Variants in ANK1 observed in about 807,000 individuals in gnomAD.
The protein encoded by ANK1 is ankyrin 1, also known as ankyrin-1.
Under a neutral mutation model 210.4 loss-of-function variants are expected in ANK1, and 51 were observed. The observed-to-expected ratio is 0.24, with a 90% confidence interval of 0.19 to 0.31. ANK1 has a LOEUF of 0.31. Ranked by LOEUF, ANK1 falls within the 10% of genes least tolerant of loss-of-function variation. The pLI is 1.00. For missense variants in ANK1, 2,051 were observed against 2,504.4 expected, an observed-to-expected ratio of 0.82 and a Z score of 3.86; for synonymous variants, 967 against 1,025.9, an observed-to-expected ratio of 0.94 and a Z score of 1.10.
At chr8:41,745,796 G>A (rs183772851) in intron 2 of ANK1, among the ~76,000 whole-genome samples, 17 of 152,242 alleles carry the variant, frequency 1.1e-4, no homozygotes, top group African/African-American at 2.4e-4. Flanking sequence ...CACAAACCTC[G>A]AACTCCTGGG....
intron 3 of ANK1, among the ~76,000 whole-genome samples, chr8:41,730,679 A>G (rs1284734355): frequency 6.6e-6 from 1 of 152,212 alleles, no homozygotes; most frequent in Admixed American, 6.5e-5. Flanking sequence ...GCCTCCATTG[A>G]GAGGCTTGGC....
At chr8:41,842,469 G>A (rs930184219) in intron 1 of ANK1, among the ~76,000 whole-genome samples, 23 of 151,904 alleles carry the variant, frequency 1.5e-4, no homozygotes, top group Non-Finnish European at 2.5e-4. Context: ...CTCCAGCCCA[G>A]GCAACAGAGC....
intron 1 of ANK1, among the ~76,000 whole-genome samples, chr8:41,861,932 C>T (rs1329815981): frequency 2.0e-5 from 3 of 152,220 alleles, no homozygotes; most frequent in South Asian, 2.1e-4. Context: ...TCCTCTTGCA[C>T]GCTCCTGCCT....
At chr8:41,869,893 G>T (rs1186615672) in intron 1 of ANK1, among the ~76,000 whole-genome samples, 2 of 152,068 alleles carry the variant, frequency 1.3e-5, no homozygotes, top group Non-Finnish European at 2.9e-5. Context: ...AATAATGTTG[G>T]ACTCTGAGTG....
chr8:41,661,398 C>T (rs777264820), intron 42 of ANK1, 32 bp downstream of exon 42: 1 of 1,612,330 alleles, frequency 6.2e-7, no homozygotes, highest in Non-Finnish European at 8.5e-7. Flanking sequence ...GAAGACCAGG[C>T]CATGCAGAGG....
intron 2 of ANK1, among the ~76,000 whole-genome samples, chr8:41,744,786 C>G (rs562224743): frequency 6.6e-6 from 1 of 152,156 alleles, no homozygotes. Flanking sequence ...CTGCCCACCT[C>G]GGCCTCCCAA....
At chr8:41,755,605 G>T (rs1349605707) in intron 2 of ANK1, among the ~76,000 whole-genome samples, 9 of 152,170 alleles carry the variant, frequency 5.9e-5, no homozygotes, top group Non-Finnish European at 1.0e-4. Flanking sequence ...CCCTGCCTAT[G>T]GGGGGCTGGG....
Position 41,759,403 on chromosome 8 carries a change from G to A in ANK1, c.28-1266C>T, listed in dbSNP as rs536433055. The stretch of plus-strand genomic sequence containing the variant: ...CACCTGTAGTCCCAGCTACTCAGGA[G>A]GCTGAGGCAGGAGAATCGCTTGAAC... On this transcript the variant is annotated intron_variant, in intron 1 of 42. Coordinates refer to ENST00000289734, the MANE Select transcript of ANK1 (RefSeq NM_000037.4). Among the ~76,000 whole-genome samples the A allele has an allele frequency of 5.5e-4, 83 of 152,234 alleles. 1 individual carries two copies. Among genetic ancestry groups the A allele is most frequent in the Middle Eastern group, 6.8e-3 (2 of 294 alleles).
At chr8:41,719,045 A>G (rs907273951) in intron 10 of ANK1, among the ~76,000 whole-genome samples, 7 of 152,186 alleles carry the variant, frequency 4.6e-5, no homozygotes, top group African/African-American at 1.4e-4. Context: ...CCTGCCCCTC[A>G]GTTCTGCTGC....
chr8:41,732,900 G>T (rs986647016), intron 3 of ANK1, among the ~76,000 whole-genome samples: 13 of 152,002 alleles, frequency 8.6e-5, no homozygotes, highest in African/African-American at 3.1e-4. Context: ...ACCACGCCCG[G>T]CTAATTTTTG....
At chr8:41,762,143 C>T (rs1840632065) in intron 1 of ANK1, among the ~76,000 whole-genome samples, 1 of 152,198 alleles carries the variant, frequency 6.6e-6, no homozygotes, top group Non-Finnish European at 1.5e-5. Flanking sequence ...GGCAGGAGCC[C>T]CTTCTCACCT....
At position 41,745,511 on chromosome 8, in the gene ANK1, A is replaced by G. The variant is rs574080806; in HGVS notation, c.130-11442T>C. Among the ~76,000 whole-genome samples the G allele has an allele frequency of 2.0e-5, 3 of 152,320 alleles. No individual in the cohort carries two copies. In the South Asian group the frequency reaches 6.2e-4, roughly 32 times the overall value. On this transcript the variant is annotated intron_variant, in intron 2 of 42. Transcript: ENST00000289734. ...GTAACTTTTCTATAGATTCGGAACT[A>G]CTAAACAATTTTTTAATGGGAGGTA...
chr8:41,816,603 A>G (rs1254166475), intron 1 of ANK1, among the ~76,000 whole-genome samples: 1 of 151,580 alleles, frequency 6.6e-6, no homozygotes, highest in Non-Finnish European at 1.5e-5. Context: ...CTAATTTTTT[A>G]TTTTTTGTAG....
At chr8:41,844,264 T>C (rs1809575281) in intron 1 of ANK1, among the ~76,000 whole-genome samples, 1 of 152,174 alleles carries the variant, frequency 6.6e-6, no homozygotes, top group Non-Finnish European at 1.5e-5. Context: ...GGGAAGTCTA[T>C]AGATGAACCA....
At chr8:41,690,169 G>A in intron 33 of ANK1, 58 bp downstream of exon 33, 1 of 1,612,580 alleles carries the variant, frequency 6.2e-7, no homozygotes, top group African/African-American at 1.3e-5. Flanking sequence ...GGTCTGTTTG[G>A]GGACCTCCTA....
At chr8:41,696,840 G>A (rs772032615) in intron 24 of ANK1, 67 bp from the exon 25 acceptor site, 34 of 1,452,198 alleles carry the variant, frequency 2.3e-5, no homozygotes, top group African/African-American at 5.6e-5. Flanking sequence ...GTGCCAGGGC[G>A]TGGAGGCTTG....
At chr8:41,722,288 T>C (rs571415772) in intron 9 of ANK1, among the ~76,000 whole-genome samples, 15 of 152,358 alleles carry the variant, frequency 9.8e-5, no homozygotes, top group African/African-American at 3.4e-4. Flanking sequence ...GTGGGGACTA[T>C]GAATCATGAC....
intron 1 of ANK1, among the ~76,000 whole-genome samples, chr8:41,785,011 G>T (rs1055496171): frequency 1.3e-5 from 2 of 152,172 alleles, no homozygotes; most frequent in Non-Finnish European, 2.9e-5. Flanking sequence ...GGCTTTGCCA[G>T]CCCTCGAGCC....
intron 2 of ANK1, among the ~76,000 whole-genome samples, chr8:41,746,154 G>A (rs1836062877): frequency 1.3e-5 from 2 of 152,226 alleles, no homozygotes; most frequent in South Asian, 2.1e-4. Context: ...TGGAGGGCAG[G>A]CCTCTCGTTC....
Sources: allele counts gnomAD v4.1 joint callset (sites outside exome capture counted in the v4.1 genomes callset), GRCh38; gene constraint gnomAD v4.1.1; transcripts MANE v1.5; gene names NCBI Gene and HGNC (gene_info 2026-07-23, HGNC 2026-07-21).